Variants in DNM3 observed in about 807,000 individuals in gnomAD.
DNM3 encodes the protein dynamin-3.
DNM3 carries 47 observed loss-of-function variants against 101.6 expected under a neutral mutation model. That is an observed-to-expected ratio of 0.46 (90% CI 0.37 to 0.59). The LOEUF (loss-of-function observed/expected upper bound fraction) is 0.59, where lower values mean the gene tolerates loss of function less well. Ranked by LOEUF, DNM3 falls within the 20% of genes least tolerant of loss-of-function variation. The pLI, the probability that DNM3 is intolerant of heterozygous loss-of-function variation, is 0.00. For synonymous variants in DNM3, 385 were observed against 387.9 expected (o/e 0.99, Z 0.09); for missense variants, 849 against 1,085.7 (o/e 0.78, Z 3.06).
intron 12 of DNM3, among the ~76,000 whole-genome samples, chr1:172,090,218 T>TA (rs2053814139): frequency 6.6e-6 from 1 of 152,160 alleles, no homozygotes; most frequent in Admixed American, 6.5e-5. Flanking sequence ...TTGGAAGAGA[T>TA]AAACATAACC....
intron 1 of DNM3, among the ~76,000 whole-genome samples, chr1:171,878,535 T>G (rs979342050): frequency 2.6e-5 from 4 of 152,174 alleles, no homozygotes; most frequent in Admixed American, 2.0e-4. Context: ...TCTGTTTCCC[T>G]CATGAATTGG....
intron 20 of DNM3, among the ~76,000 whole-genome samples, chr1:172,404,403 TAGTGAATAA>T (rs2070732496): frequency 6.6e-6 from 1 of 152,066 alleles, no homozygotes; most frequent in African/African-American, 2.4e-5. Flanking sequence ...TGGGATATGG[TAGTGAATAA>T]GACTAACAAT....
Position 172,283,301 on chromosome 1 carries a change from C to T in DNM3, c.1770-25427C>T, listed in dbSNP as rs539605149. On this transcript the variant is annotated intron_variant, in intron 15 of 20. Transcript: ENST00000627582. ...CTTTCTCCAGCTCCTTCCCACTGTG[C>T]CCCACCTCTTTATTTAGTTCCTAGA... 2.4e-3 allele frequency among the ~76,000 whole-genome samples: 358 copies of T among 152,234 alleles called. 3 individuals carry two copies. Among genetic ancestry groups the T allele is most frequent in the Middle Eastern group, 6.8e-3 (2 of 294 alleles).
intron 2 of DNM3, among the ~76,000 whole-genome samples, chr1:171,975,923 T>G (rs542141391): frequency 7.9e-5 from 12 of 152,326 alleles, no homozygotes; most frequent in East Asian, 5.8e-4. Context: ...TAATTGTGCC[T>G]GTGAATAACC....
At chr1:172,039,485 T>G (rs1023678927) in intron 7 of DNM3, among the ~76,000 whole-genome samples, 1 of 152,092 alleles carries the variant, frequency 6.6e-6, no homozygotes, top group African/African-American at 2.4e-5. Context: ...ATATAACTCT[T>G]TCCTAATTTA....
chr1:172,083,356 C>G (rs983598411), intron 12 of DNM3, among the ~76,000 whole-genome samples: 19 of 152,168 alleles, frequency 1.2e-4, no homozygotes, highest in African/African-American at 4.1e-4. Flanking sequence ...TAGAGACACA[C>G]AAGTAAAAAT....
Position 171,944,339 on chromosome 1 carries a change from G to T in DNM3, c.235+22518G>T, listed in dbSNP as rs998575138. ...CATATTTTGCCAACTTTTAAACAAT[G>T]TATTTATTTATTTATTTATTTATTT... On this transcript the variant is annotated intron_variant, in intron 2 of 20. Transcript: ENST00000627582. Among the ~76,000 whole-genome samples, 8 of 147,060 alleles carry T rather than the reference G, an allele frequency of 5.4e-5. No individual in the cohort carries two copies. The South Asian group carries it at 6.5e-4, about 12-fold the overall frequency.
At chr1:172,107,223 A>G (rs1048927833) in intron 13 of DNM3, among the ~76,000 whole-genome samples, 1 of 152,240 alleles carries the variant, frequency 6.6e-6, no homozygotes, top group African/African-American at 2.4e-5. Context: ...CTGTTGAAAG[A>G]GAAATGCCAC....
chr1:172,358,573 G>T (rs2067568196), intron 17 of DNM3, among the ~76,000 whole-genome samples: 1 of 151,970 alleles, frequency 6.6e-6, no homozygotes, highest in African/African-American at 2.4e-5. Context: ...AAGACTCTCA[G>T]TCAGCTCCCT....
chr1:172,029,785 A>G (rs983665481), intron 4 of DNM3, among the ~76,000 whole-genome samples: 1 of 152,172 alleles, frequency 6.6e-6, no homozygotes, highest in Non-Finnish European at 1.5e-5. Flanking sequence ...GAACCAAATC[A>G]TGCATGAACT....
intron 11 of DNM3, among the ~76,000 whole-genome samples, chr1:172,074,755 G>A (rs910831838): frequency 2.0e-5 from 3 of 152,180 alleles, no homozygotes; most frequent in Non-Finnish European, 4.4e-5. Context: ...TTGCTATTAT[G>A]AACAGTGGTG....
intron 17 of DNM3, among the ~76,000 whole-genome samples, chr1:172,369,319 C>T (rs750115750): frequency 6.6e-6 from 1 of 151,906 alleles, no homozygotes; most frequent in Non-Finnish European, 1.5e-5. Context: ...GATGGTTCAA[C>T]ATATACAAAT....
intron 15 of DNM3, among the ~76,000 whole-genome samples, chr1:172,295,866 G>T (rs1266168281): frequency 6.6e-6 from 1 of 152,078 alleles, no homozygotes; most frequent in Non-Finnish European, 1.5e-5. Flanking sequence ...GGAAAAAAAT[G>T]TAAAAATAAA....
chr1:171,999,019 A>AT (rs1480088257), intron 4 of DNM3, among the ~76,000 whole-genome samples: 3 of 152,000 alleles, frequency 2.0e-5, no homozygotes, highest in African/African-American at 7.2e-5. Flanking sequence ...GAGGCTTTGT[A>AT]TTTTTTTCAA....
At chr1:172,404,607 AT>A (rs1353937650) in intron 20 of DNM3, among the ~76,000 whole-genome samples, 2 of 152,012 alleles carry the variant, frequency 1.3e-5, no homozygotes, top group African/African-American at 2.4e-5. Context: ...ACACCATTGA[AT>A]TTTTCCCTTC....
At chr1:172,159,105 A>G (rs2058452064) in intron 14 of DNM3, among the ~76,000 whole-genome samples, 1 of 152,036 alleles carries the variant, frequency 6.6e-6, no homozygotes, top group African/African-American at 2.4e-5. Context: ...CCTTTGGAAA[A>G]TTATCTTGCA....
At position 171,841,522 on chromosome 1, in the gene DNM3, G is replaced by C. The variant is rs1025947972; in HGVS notation, c.-135G>C. 8.0e-7 allele frequency: 1 copy of C among 1,252,010 alleles called. No homozygotes were observed. The highest frequency in any genetic ancestry group is 1.1e-6 in the Non-Finnish European group (1 of 947,204). The allele number at this position is 1,252,010 out of a possible 1,614,324, so 77.6% of individuals were successfully genotyped here. On this transcript the variant is annotated 5_prime_UTR_variant, in exon 1 of 21. Transcript: ENST00000627582. Reference sequence around the variant, plus strand: ...CAGAGCCAAGCGGCGGGCTGGCGGCGGGCTCCGACGTCTGCGCCAGGACCT... The same window carrying C: ...CAGAGCCAAGCGGCGGGCTGGCGGCCGGCTCCGACGTCTGCGCCAGGACCT...
chr1:171,997,078 G>A (rs2046048236), intron 4 of DNM3, among the ~76,000 whole-genome samples: 1 of 151,734 alleles, frequency 6.6e-6, no homozygotes, highest in African/African-American at 2.4e-5. Context: ...CCAAATGCTA[G>A]CAGTTATTTT....
At position 172,411,553 on chromosome 1, in the gene DNM3, A is replaced by AAT; in HGVS notation, c.*3712_*3713insAT. On this transcript the variant is annotated 3_prime_UTR_variant, in exon 21 of 21. Coordinates refer to ENST00000627582, the MANE Select transcript of DNM3 (RefSeq NM_015569.5). ...ATGGTAGAAGTAAAAAAAAAAAAAA[A>AAT]GGACATAGCAACATTAAAGTAGTGG... 7.2e-6 allele frequency: 7 copies of AAT among 977,338 alleles called. No homozygotes were observed. The highest frequency in any genetic ancestry group is 8.5e-6 in the Non-Finnish European group (7 of 822,928). 60.5% of individuals were successfully genotyped at this position (977,338 alleles called of 1,614,324 possible).
Sources: allele counts gnomAD v4.1 joint callset (sites outside exome capture counted in the v4.1 genomes callset), GRCh38; gene constraint gnomAD v4.1.1; transcripts MANE v1.5; gene names NCBI Gene and HGNC (gene_info 2026-07-23, HGNC 2026-07-21).